The following ATXN1 variants were observed in gnomAD, a reference collection of about 807,000 sequenced individuals.
ATXN1 encodes the protein ataxin 1, also known as ataxin-1.
ATXN1 carries 8 observed loss-of-function variants against 56.4 expected under a neutral mutation model. The observed-to-expected ratio is 0.14, with a 90% CI of 0.08 to 0.26. ATXN1 has a LOEUF of 0.26. ATXN1 is among the 10% of genes least tolerant of loss of function. The probability of loss-of-function intolerance (pLI) is 1.00; values close to 1 mark genes in which losing one functional copy is unlikely to be tolerated. For missense variants in ATXN1, 987 were observed against 1,106.5 expected, an observed-to-expected ratio of 0.89 and a Z score of 1.53; for synonymous variants, 514 against 494.6, an observed-to-expected ratio of 1.04 and a Z score of -0.52.
At chr6:16,696,503 G>C (rs1399834583) in intron 2 of ATXN1, among the ~76,000 whole-genome samples, 1 of 152,164 alleles carries the variant, frequency 6.6e-6, no homozygotes, top group Non-Finnish European at 1.5e-5. Flanking sequence ...GGAAAATGTT[G>C]AGTTTTCTCC....
chr6:16,602,150 C>T (rs138771076), intron 3 of ATXN1, among the ~76,000 whole-genome samples: 249 of 152,194 alleles, frequency 1.6e-3, no homozygotes, highest in African/African-American at 5.5e-3. Flanking sequence ...AGTTGTCTTC[C>T]GCAAAATCAT....
chr6:16,373,684 A>G (rs1005079860), intron 6 of ATXN1, among the ~76,000 whole-genome samples: 2 of 152,148 alleles, frequency 1.3e-5, no homozygotes, highest in African/African-American at 2.4e-5. Context: ...GTTTTATAAG[A>G]GGTTTCCCCT....
rs905352153 is a variant in ATXN1 at position 16,760,128 on chromosome 6, G to C, written c.-730+1170C>G. Among the ~76,000 whole-genome samples the C allele has an allele frequency of 1.3e-5, 2 of 152,024 alleles. No individual in the cohort carries two copies. The highest frequency in any genetic ancestry group is 4.8e-5 in the African/African-American group (2 of 41,392). ...GGCCTGCGCGCAGCACTGGAACCAC[G>C]TAGGAGGAGGCGGCGGCGCCCCCGG... On this transcript the variant is annotated intron_variant, in intron 1 of 7. Transcript: ENST00000436367. The surrounding 1 kb of genome is among the most constrained non-coding windows in gnomAD (Gnocchi z 5.3).
intron 2 of ATXN1, among the ~76,000 whole-genome samples, chr6:16,747,076 C>T (rs1217619592): frequency 2.0e-5 from 3 of 152,122 alleles, no homozygotes; most frequent in African/African-American, 7.2e-5. Flanking sequence ...TGGAAGACTA[C>T]TCCATTTGAA....
chr6:16,368,463 G>T (rs1761975070), intron 6 of ATXN1, among the ~76,000 whole-genome samples: 1 of 146,580 alleles, frequency 6.8e-6, no homozygotes, highest in African/African-American at 2.5e-5. Context: ...AATGATTAAA[G>T]ATCAACTTTG....
Position 16,378,330 on chromosome 6 carries a change from T to A in ATXN1, c.-160-49860A>T, listed in dbSNP as rs188536089. 1.3e-3 allele frequency among the ~76,000 whole-genome samples: 192 copies of A among 152,318 alleles called. 1 individual carries two copies. Among genetic ancestry groups the A allele is most frequent in the African/African-American group, 4.2e-3 (176 of 41,580 alleles). Reference sequence around the variant, plus strand: ...ATGCTATGACTTACCAAGCACTTTATAATATACATTATACCCTTAATATCC... The same window carrying A: ...ATGCTATGACTTACCAAGCACTTTAAAATATACATTATACCCTTAATATCC... On this transcript the variant is annotated intron_variant, in intron 6 of 7. Coordinates refer to ENST00000436367, the MANE Select transcript of ATXN1 (RefSeq NM_001128164.2).
At chr6:16,592,081 C>G (rs1219196973) in intron 3 of ATXN1, among the ~76,000 whole-genome samples, 1 of 152,040 alleles carries the variant, frequency 6.6e-6, no homozygotes, top group African/African-American at 2.4e-5. Context: ...TAATGGAAAT[C>G]CGGAGTAAGA....
intron 6 of ATXN1, among the ~76,000 whole-genome samples, chr6:16,462,505 C>A (rs1760019614): frequency 6.6e-6 from 1 of 152,156 alleles, no homozygotes; most frequent in African/African-American, 2.4e-5. Context: ...TTAATGGAAT[C>A]CTTTTACAGT....
At chr6:16,377,489 T>C (rs1762164642) in intron 6 of ATXN1, among the ~76,000 whole-genome samples, 1 of 152,110 alleles carries the variant, frequency 6.6e-6, no homozygotes, top group African/African-American at 2.4e-5. Context: ...TCATACAGGT[T>C]ATATGAGGGT....
At chr6:16,360,404 A>G (rs1435591124) in intron 6 of ATXN1, among the ~76,000 whole-genome samples, 1 of 152,206 alleles carries the variant, frequency 6.6e-6, no homozygotes, top group Non-Finnish European at 1.5e-5. Context: ...TTTATTTTTA[A>G]ATTTACATAT....
chr6:16,604,744 C>T (rs531027424), intron 3 of ATXN1, among the ~76,000 whole-genome samples: 52 of 151,220 alleles, frequency 3.4e-4, no homozygotes, highest in African/African-American at 1.1e-3. Context: ...CATCACCATG[C>T]CTGGCTGATT....
intron 6 of ATXN1, among the ~76,000 whole-genome samples, chr6:16,409,994 C>T (rs778910995): frequency 1.3e-5 from 2 of 152,194 alleles, no homozygotes; most frequent in Non-Finnish European, 2.9e-5. Context: ...CAAGACTGGG[C>T]ATGTGTCCAG....
At chr6:16,330,068 AT>A (rs869034868) in intron 6 of ATXN1, among the ~76,000 whole-genome samples, 2 of 142,730 alleles carry the variant, frequency 1.4e-5, no homozygotes, top group African/African-American at 5.8e-5. Context: ...CAATGATCTG[AT>A]TTTCTTTCTT....
intron 6 of ATXN1, among the ~76,000 whole-genome samples, chr6:16,396,960 A>G (rs1758470965): frequency 6.6e-6 from 1 of 152,218 alleles, no homozygotes; most frequent in African/African-American, 2.4e-5. Flanking sequence ...AGGCTGCATT[A>G]TATAGCTTAG....
chr6:16,642,296 G>A (rs1317748322), intron 3 of ATXN1, among the ~76,000 whole-genome samples: 1 of 152,218 alleles, frequency 6.6e-6, no homozygotes, highest in Admixed American at 6.5e-5. Flanking sequence ...TCAGGAGGCT[G>A]AGGCAGGAGA....
chr6:16,540,601 T>C lies in ATXN1; in HGVS notation c.-360-17913A>G, dbSNP rs1402886963. Among the ~76,000 whole-genome samples, 3 of 152,220 alleles carry C rather than the reference T, an allele frequency of 2.0e-5. No individual in the cohort carries two copies. In the East Asian group the frequency reaches 5.8e-4, roughly 29 times the overall value. On this transcript the variant is annotated intron_variant, in intron 4 of 7. Transcript: ENST00000436367. Reference sequence around the variant, plus strand: ...GAGTACTGAGGCACAAGAGGGTAGGTAAAGTGCCTGAAGTCACACTGATAA... The same window carrying C: ...GAGTACTGAGGCACAAGAGGGTAGGCAAAGTGCCTGAAGTCACACTGATAA...
At chr6:16,393,046 G>C (rs1443745494) in intron 6 of ATXN1, among the ~76,000 whole-genome samples, 1 of 152,130 alleles carries the variant, frequency 6.6e-6, no homozygotes, top group East Asian at 1.9e-4. Context: ...TTTCTTTTAA[G>C]AAGTTTCAAG....
chr6:16,635,848 C>A (rs1220944140), intron 3 of ATXN1, among the ~76,000 whole-genome samples: 1 of 145,106 alleles, frequency 6.9e-6, no homozygotes, highest in Non-Finnish European at 1.5e-5. Flanking sequence ...CAACCCCGCA[C>A]AGCAGCCAGC....
At chr6:16,646,292 G>A (rs1324664021) in intron 3 of ATXN1, among the ~76,000 whole-genome samples, 2 of 152,164 alleles carry the variant, frequency 1.3e-5, no homozygotes, top group Non-Finnish European at 2.9e-5. Flanking sequence ...CCTGCTAAGA[G>A]TGATCATGAC....
Sources: allele counts gnomAD v4.1 joint callset (sites outside exome capture counted in the v4.1 genomes callset), GRCh38; gene constraint gnomAD v4.1.1; non-coding constraint Gnocchi (gnomAD v3.1); transcripts MANE v1.5; gene names NCBI Gene and HGNC (gene_info 2026-07-23, HGNC 2026-07-21).